The following TCF25 variants were observed in gnomAD, a reference collection of about 807,000 sequenced individuals.
The protein encoded by TCF25 is TCF25 ribosome quality control complex subunit, also known as ribosome quality control complex subunit TCF25.
A neutral mutation model predicts 83.1 loss-of-function variants in TCF25; 41 were observed. The observed-to-expected ratio is 0.49, with a 90% CI of 0.38 to 0.64. The LOEUF (loss-of-function observed/expected upper bound fraction) is 0.64, where lower values mean the gene tolerates loss of function less well. Ranked by LOEUF, TCF25 falls within the 30% of genes least tolerant of loss-of-function variation. The pLI, the probability that TCF25 is intolerant of heterozygous loss-of-function variation, is 0.00. For missense variants in TCF25, 979 were observed against 914.5 expected, an observed-to-expected ratio of 1.07 and a Z score of -0.91; for synonymous variants, 458 against 365.0, an observed-to-expected ratio of 1.25 and a Z score of -2.90.
chr16:89,911,106 T>C lies in TCF25; in HGVS notation c.1899T>C (p.Ala633=), dbSNP rs774941107. ...GGGAGAGGCCCGAGGAAGGAGTGGC[T>C]GGGGGTCTGAACCGCAACCAGGGCC... ...MEGERPEEGV[A]GGLNRNQGLN... The change falls in exon 18 of 18, where the codon GCT becomes GCC. Residue 633 remains alanine (A), a synonymous_variant. Coordinates refer to ENST00000263346, the MANE Select transcript of TCF25 (RefSeq NM_014972.3). 3 of 1,611,248 alleles carry C rather than the reference T, an allele frequency of 1.9e-6. No homozygotes were observed. The highest frequency in any genetic ancestry group is 2.2e-5 in the East Asian group (1 of 44,864).
intron 1 of TCF25, among the ~76,000 whole-genome samples, chr16:89,881,455 A>T (rs535783111): frequency 4.8e-4 from 73 of 151,724 alleles, no homozygotes; most frequent in African/African-American, 1.6e-3. Flanking sequence ...TTTTTTTTTA[A>T]AAAATTTAGA....
At chr16:89,900,856 C>G in intron 12 of TCF25, 62 bp downstream of exon 12, 1 of 1,445,782 alleles carries the variant, frequency 6.9e-7, no homozygotes, top group Non-Finnish European at 9.3e-7. Context: ...GGGGGCTGCT[C>G]TTCCTGGTGG....
chr16:89,884,505 T>A, intron 2 of TCF25, 77 bp from the exon 3 acceptor site: 1 of 1,490,042 alleles, frequency 6.7e-7, no homozygotes, highest in African/African-American at 1.4e-5. Flanking sequence ...GAGGGTGGAG[T>A]CACGCTTGCT....
At chr16:89,876,015 A>G (rs2042164741) in intron 1 of TCF25, among the ~76,000 whole-genome samples, 1 of 151,010 alleles carries the variant, frequency 6.6e-6, no homozygotes, top group African/African-American at 2.4e-5. Flanking sequence ...TAAATATTTA[A>G]TCTTTTTGGT....
chr16:89,887,673 A>T lies in TCF25; in HGVS notation c.570A>T (p.Glu190Asp). 6.3e-7 allele frequency: 1 copy of T among 1,591,498 alleles called. No individual in the cohort carries two copies. The highest frequency in any genetic ancestry group is 8.5e-7 in the Non-Finnish European group (1 of 1,173,338). Residue 190 changes from glutamate to aspartate, a missense_variant, in exon 5 of 18, where the codon GAA (glutamate) becomes GAT (aspartate). Glu to Asp is a conservative substitution (Grantham distance 45). Coordinates refer to ENST00000263346, the MANE Select transcript of TCF25 (RefSeq NM_014972.3). The part of the protein sequence containing the change: ...VEHRHLNPDT[E>D]LKRYFGARAI... The stretch of plus-strand genomic sequence containing the variant: ...CCAGACACTTGAATCCAGACACAGA[A>T]CTGAAAAGGTATTTTGGTGCCCGGG...
chr16:89,910,771 G>GTCCT, intron 17 of TCF25, 108 bp downstream of exon 17: 3 of 1,309,642 alleles, frequency 2.3e-6, no homozygotes, highest in Non-Finnish European at 3.2e-6. Flanking sequence ...AGCCGGCACA[G>GTCCT]GGAGCAGGGA....
At chr16:89,893,996 G>C in intron 7 of TCF25, 138 bp downstream of exon 7, 3 of 1,312,602 alleles carry the variant, frequency 2.3e-6, no homozygotes, top group Non-Finnish European at 3.1e-6. Flanking sequence ...GTCTCTGCAG[G>C]GCGGTCTGGC....
chr16:89,883,877 T>G, intron 2 of TCF25: 1 of 216,854 alleles, frequency 4.6e-6, no homozygotes, highest in Non-Finnish European at 9.5e-6. Context: ...GAACGTTTGC[T>G]TGGCTGGGTT....
In TCF25 at chr16:89,885,977, C is replaced by CCCTTCTCTGCGGCT; in HGVS notation, c.548+11_548+12insCCTTCTCTGCGGCT. 1 of 1,514,078 alleles carries CCCTTCTCTGCGGCT rather than the reference C, an allele frequency of 6.6e-7. No homozygotes were observed. Among genetic ancestry groups the CCCTTCTCTGCGGCT allele is most frequent in the Non-Finnish European group, 9.0e-7 (1 of 1,114,520 alleles). The allele number at this position is 1,514,078 out of a possible 1,614,324, so 93.8% of individuals were successfully genotyped here. On this transcript the variant is annotated intron_variant, in intron 4 of 17. Transcript: ENST00000263346. ...CTACGTGGAGCACAGGTGTGGCCCC[C>CCCTTCTCTGCGGCT]GCCCTTCTCTGCGGCTGCCCTTCTC...
At chr16:89,894,000 G>A in intron 7 of TCF25, 142 bp downstream of exon 7, 1 of 1,250,188 alleles carries the variant, frequency 8.0e-7, no homozygotes, top group Non-Finnish European at 1.1e-6. Context: ...CTGCAGGGCG[G>A]TCTGGCCCTG....
intron 1 of TCF25, chr16:89,878,538 T>C: frequency 8.1e-7 from 1 of 1,235,668 alleles, no homozygotes; most frequent in Non-Finnish European, 1.0e-6. Flanking sequence ...CTGATCGAGC[T>C]TTATCCTAAA....
At chr16:89,888,456 G>A (rs935908685) in intron 5 of TCF25, among the ~76,000 whole-genome samples, 1 of 151,420 alleles carries the variant, frequency 6.6e-6, no homozygotes, top group African/African-American at 2.4e-5. Flanking sequence ...AGGCATGGTC[G>A]TGCATGCCTG....
At chr16:89,899,802 AGGACACG>A (rs2044175597) in intron 11 of TCF25, among the ~76,000 whole-genome samples, 1 of 152,144 alleles carries the variant, frequency 6.6e-6, no homozygotes, top group Non-Finnish European at 1.5e-5. Context: ...CTTATCTGGA[AGGACACG>A]GGCTTTGTAA....
At chr16:89,906,112 G>A in intron 14 of TCF25, 82 bp from the exon 15 acceptor site, 2 of 1,208,160 alleles carry the variant, frequency 1.7e-6, no homozygotes, top group Non-Finnish European at 2.4e-6. Flanking sequence ...TGCTGGGTGG[G>A]GGTGGGGGCC....
intron 5 of TCF25, among the ~76,000 whole-genome samples, chr16:89,891,809 C>A (rs2043452536): frequency 6.6e-6 from 1 of 152,126 alleles, no homozygotes; most frequent in Non-Finnish European, 1.5e-5. Context: ...GCTGGGATCA[C>A]AGGTGCAGGC....
chr16:89,888,347 G>C (rs1175947634), intron 5 of TCF25, among the ~76,000 whole-genome samples: 1 of 152,048 alleles, frequency 6.6e-6, no homozygotes, highest in Non-Finnish European at 1.5e-5. Context: ...CAGCACTTTG[G>C]GAGGCCAAGG....
At position 89,898,726 on chromosome 16, in the gene TCF25, C is replaced by T. The variant is rs780638334; in HGVS notation, c.1116-41C>T. 59 of 1,612,992 alleles carry T rather than the reference C, an allele frequency of 3.7e-5. No homozygotes were observed. The South Asian group carries it at 6.1e-4, about 17-fold the overall frequency. On this transcript the variant is annotated intron_variant, in intron 10 of 17. Transcript: ENST00000263346. ...GGCCCACTCTCAGCCTGACGATGCC[C>T]CTGTTCCCCTTTGCTCTGCTCTCTG...
chr16:89,908,972 AGAG>A (rs1344399704), intron 16 of TCF25: 2 of 1,289,380 alleles, frequency 1.6e-6, no homozygotes, highest in Non-Finnish European at 2.0e-6. Flanking sequence ...ACAGGAAGGG[AGAG>A]GAGGAGAGGA....
chr16:89,877,041 G>A (rs2042248177), intron 1 of TCF25, among the ~76,000 whole-genome samples: 1 of 151,690 alleles, frequency 6.6e-6, no homozygotes, highest in East Asian at 1.9e-4. Flanking sequence ...GGTGGAGGTT[G>A]CAATGAACTG....
Sources: gnomAD v4.1 joint callset for allele counts (sites outside exome capture counted in the v4.1 genomes callset) on GRCh38, gnomAD v4.1.1 for gene constraint, MANE v1.5 for transcripts, NCBI Gene and HGNC (gene_info 2026-07-23, HGNC 2026-07-21) for gene names.